Variants in NELL2 observed in about 807,000 individuals in gnomAD.
NELL2 encodes the protein neural EGFL like 2.
In NELL2, 41 loss-of-function variants were observed where a neutral mutation model predicts 109.6. The ratio of observed to expected loss-of-function variants is 0.37; its 90% confidence interval spans 0.29 to 0.49. The LOEUF (loss-of-function observed/expected upper bound fraction) is 0.49, where lower values mean the gene tolerates loss of function less well. NELL2 is among the 20% of genes least tolerant of loss of function. The probability of loss-of-function intolerance (pLI) is 0.98; values close to 1 mark genes in which losing one functional copy is unlikely to be tolerated. For synonymous variants in NELL2, 355 were observed against 344.7 expected (o/e 1.03, Z -0.33); for missense variants, 900 against 1,008.3 (o/e 0.89, Z 1.45).
intron 11 of NELL2, among the ~76,000 whole-genome samples, chr12:44,709,895 A>G (rs79015201): frequency 0.062 from 9,458 of 152,280 alleles, 974 homozygotes; most frequent in African/African-American, 0.21. Context: ...AATTGCACAC[A>G]TGCTTTGTGT....
intron 15 of NELL2, among the ~76,000 whole-genome samples, chr12:44,598,854 T>TACACATACACACACACACAC (rs1945074141): frequency 8.4e-6 from 1 of 118,440 alleles, no homozygotes; most frequent in Non-Finnish European, 1.7e-5. Flanking sequence ...AAGAAAGAAA[T>TACACATACACACACACACAC]ACACACACAC....
intron 3 of NELL2, among the ~76,000 whole-genome samples, chr12:44,796,860 A>G (rs1006596015): frequency 2.3e-4 from 35 of 152,204 alleles, no homozygotes; most frequent in African/African-American, 8.2e-4. Flanking sequence ...TACATAACTG[A>G]GCTTAATATA....
chr12:44,797,377 T>C (rs1942661046), intron 3 of NELL2, among the ~76,000 whole-genome samples: 1 of 152,148 alleles, frequency 6.6e-6, no homozygotes, highest in African/African-American at 2.4e-5. Flanking sequence ...TAGTCTGCTT[T>C]AATGATCTGA....
intron 12 of NELL2, among the ~76,000 whole-genome samples, chr12:44,693,315 A>G (rs1948956993): frequency 6.6e-6 from 1 of 152,230 alleles, no homozygotes; most frequent in Non-Finnish European, 1.5e-5. Flanking sequence ...ACATAATGAC[A>G]TTGCACACTT....
intron 12 of NELL2, among the ~76,000 whole-genome samples, chr12:44,696,198 T>C (rs1054439109): frequency 6.6e-6 from 1 of 152,172 alleles, no homozygotes; most frequent in African/African-American, 2.4e-5. Context: ...ACGATGAAGT[T>C]TAAAAAACAG....
chr12:44,909,168 T>C (rs1945751969), intron 1 of NELL2, among the ~76,000 whole-genome samples: 2 of 152,010 alleles, frequency 1.3e-5, no homozygotes, highest in African/African-American at 4.8e-5. Context: ...TATGATTCTA[T>C]ACCTAGAAAA....
intron 13 of NELL2, among the ~76,000 whole-genome samples, chr12:44,657,582 A>C (rs1947557085): frequency 6.6e-6 from 1 of 152,124 alleles, no homozygotes; most frequent in Non-Finnish European, 1.5e-5. Context: ...TGCACCCATC[A>C]ACCCGTCATC....
At chr12:44,803,015 G>A (rs2136657086) in intron 3 of NELL2, among the ~76,000 whole-genome samples, 1 of 152,142 alleles carries the variant, frequency 6.6e-6, no homozygotes, top group South Asian at 2.1e-4. Context: ...GACCCGGTGA[G>A]CAAGGTTAAT....
At chr12:44,773,884 A>G (rs1013721827) in intron 9 of NELL2, among the ~76,000 whole-genome samples, 2 of 116,636 alleles carry the variant, frequency 1.7e-5, no homozygotes, top group Non-Finnish European at 3.6e-5. Context: ...CACCAGCAGT[A>G]GCACATTGCT....
At chr12:44,844,614 C>T (rs999986077) in intron 2 of NELL2, among the ~76,000 whole-genome samples, 13 of 152,072 alleles carry the variant, frequency 8.5e-5, no homozygotes, top group African/African-American at 3.1e-4. Context: ...GTTGGAGTAC[C>T]AGTGAAGAGA....
At chr12:44,908,501 A>G (rs1945745224) in intron 1 of NELL2, among the ~76,000 whole-genome samples, 1 of 151,982 alleles carries the variant, frequency 6.6e-6, no homozygotes, top group African/African-American at 2.4e-5. Flanking sequence ...TATGGTATTG[A>G]ATGAACATAG....
chr12:44,510,801 T>A (rs182467733), intron 19 of NELL2, among the ~76,000 whole-genome samples: 1 of 152,248 alleles, frequency 6.6e-6, no homozygotes, highest in East Asian at 1.9e-4. Flanking sequence ...CCCTAGAATC[T>A]CCAAGATGCC....
intron 16 of NELL2, among the ~76,000 whole-genome samples, chr12:44,523,870 G>A (rs1941649229): frequency 6.6e-6 from 1 of 152,178 alleles, no homozygotes; most frequent in Non-Finnish European, 1.5e-5. Context: ...CATCCCCAGT[G>A]TTAAACTGGT....
chr12:44,724,319 C>T (rs919574535), intron 9 of NELL2, among the ~76,000 whole-genome samples: 2 of 151,386 alleles, frequency 1.3e-5, no homozygotes, highest in Non-Finnish European at 2.9e-5. Flanking sequence ...GTGATGGAAT[C>T]ATTGGGACCT....
chr12:44,728,801 T>C (rs1939213010), intron 9 of NELL2, among the ~76,000 whole-genome samples: 1 of 152,128 alleles, frequency 6.6e-6, no homozygotes, highest in Non-Finnish European at 1.5e-5. Flanking sequence ...ATGGAACCAT[T>C]GCAGGCAGAA....
intron 9 of NELL2, among the ~76,000 whole-genome samples, chr12:44,720,419 A>T (rs1296382835): frequency 5.3e-5 from 8 of 152,168 alleles, no homozygotes; most frequent in African/African-American, 1.9e-4. Context: ...ATCTTATAAA[A>T]AAGATTCTAT....
intron 9 of NELL2, among the ~76,000 whole-genome samples, chr12:44,765,950 T>A (rs562734245): frequency 6.6e-6 from 1 of 152,174 alleles, no homozygotes; most frequent in Admixed American, 6.5e-5. Flanking sequence ...CCAAACCCCA[T>A]CTCTACTAAA....
chr12:44,745,625 A>G (rs1021257781), intron 9 of NELL2, among the ~76,000 whole-genome samples: 1 of 152,088 alleles, frequency 6.6e-6, no homozygotes, highest in African/African-American at 2.4e-5. Flanking sequence ...AAATCAATGT[A>G]CAAAAATCAC....
At chr12:44,740,146 C>CT (rs149436148) in intron 9 of NELL2, among the ~76,000 whole-genome samples, 1 of 152,274 alleles carries the variant, frequency 6.6e-6, no homozygotes, top group East Asian at 1.9e-4. Context: ...TAATGACTGT[C>CT]TGAGTTATGG....
Sources: allele counts gnomAD v4.1 joint callset (sites outside exome capture counted in the v4.1 genomes callset), GRCh38; gene constraint gnomAD v4.1.1; transcripts MANE v1.5; gene names NCBI Gene and HGNC (gene_info 2026-07-23, HGNC 2026-07-21).